The following ANO3 variants were observed in gnomAD, a reference collection of about 807,000 sequenced individuals.
ANO3 encodes anoctamin 3.
In ANO3, 99 loss-of-function variants were observed where a neutral mutation model predicts 144.8. That is an observed-to-expected ratio of 0.68 (90% CI 0.58 to 0.81). The LOEUF is 0.81. Ranked by LOEUF, ANO3 falls within the 30% of genes least tolerant of loss-of-function variation. The pLI is 0.00. For synonymous variants in ANO3, 414 were observed against 392.6 expected, an observed-to-expected ratio of 1.05 and a Z score of -0.64; for missense variants, 905 against 1,202.2, an observed-to-expected ratio of 0.75 and a Z score of 3.66.
At chr11:26,368,668 GTGTC>G (rs561632512) in intron 1 of ANO3, among the ~76,000 whole-genome samples, 505 of 151,940 alleles carry the variant, frequency 3.3e-3, no homozygotes, top group Middle Eastern at 0.01. Flanking sequence ...GGAAAAGTGT[GTGTC>G]TGTGTGTGTG....
At chr11:26,397,766 C>T (rs1306633979) in intron 1 of ANO3, among the ~76,000 whole-genome samples, 1 of 152,022 alleles carries the variant, frequency 6.6e-6, no homozygotes, top group Non-Finnish European at 1.5e-5. Flanking sequence ...TGTAGTGATC[C>T]TGCAGTGGTA....
chr11:26,620,786 C>T (rs576682608), intron 17 of ANO3, among the ~76,000 whole-genome samples: 1 of 152,246 alleles, frequency 6.6e-6, no homozygotes, highest in African/African-American at 2.4e-5. Context: ...TCCTTAATAC[C>T]TGGTTACCAC....
chr11:26,282,355 A>G (rs1314060570), intron 1 of ANO3, among the ~76,000 whole-genome samples: 2 of 148,026 alleles, frequency 1.4e-5, no homozygotes, highest in Non-Finnish European at 3.0e-5. Context: ...GTCTGAATTT[A>G]TCTCTTATTG....
chr11:26,305,446 G>A (rs1240346350), upstream of ANO3, among the ~76,000 whole-genome samples: 2 of 150,480 alleles, frequency 1.3e-5, no homozygotes, highest in African/African-American at 2.4e-5. Flanking sequence ...AACTTTAATC[G>A]GATTAGCATG....
intron 6 of ANO3, among the ~76,000 whole-genome samples, chr11:26,524,839 T>G (rs1471530199): frequency 6.6e-6 from 1 of 152,172 alleles, no homozygotes; most frequent in Non-Finnish European, 1.5e-5. Context: ...TAGTGTATAC[T>G]CCAGCTATTA....
intron 4 of ANO3, among the ~76,000 whole-genome samples, chr11:26,485,465 T>G (rs1860408514): frequency 6.6e-6 from 1 of 152,148 alleles, no homozygotes; most frequent in South Asian, 2.1e-4. Context: ...TCCATGACTG[T>G]TAAGATTCCT....
chr11:26,524,527 TAGAGG>T (rs200283519), intron 6 of ANO3, among the ~76,000 whole-genome samples: 1,576 of 152,258 alleles, frequency 0.01, 20 homozygotes, highest in Middle Eastern at 0.02. Flanking sequence ...TACCACAGCA[TAGAGG>T]AGCTTACTGA....
At chr11:26,438,272 T>A (rs1490730759) in intron 1 of ANO3, among the ~76,000 whole-genome samples, 2 of 152,072 alleles carry the variant, frequency 1.3e-5, no homozygotes, top group Non-Finnish European at 2.9e-5. Context: ...ACCAAAAGCA[T>A]GAACTATAAA....
chr11:26,478,947 C>T (rs975768633), intron 4 of ANO3, among the ~76,000 whole-genome samples: 3 of 152,100 alleles, frequency 2.0e-5, no homozygotes, highest in Admixed American at 2.0e-4. Context: ...TATGTGTTGC[C>T]CAATTCATGA....
At chr11:26,529,546 T>G (rs1032661967) in intron 7 of ANO3, among the ~76,000 whole-genome samples, 5 of 140,816 alleles carry the variant, frequency 3.6e-5, no homozygotes, top group Admixed American at 7.9e-5. Flanking sequence ...ACTGCTATAC[T>G]AATTTTTTTT....
chr11:26,619,007 T>G (rs1171286763), intron 17 of ANO3, among the ~76,000 whole-genome samples: 1 of 152,226 alleles, frequency 6.6e-6, no homozygotes, highest in Non-Finnish European at 1.5e-5. Flanking sequence ...TTGTGAATAT[T>G]CTTCTGTTAC....
intron 14 of ANO3, among the ~76,000 whole-genome samples, chr11:26,569,105 T>G (rs545095521): frequency 3.2e-4 from 48 of 152,096 alleles, no homozygotes; most frequent in Non-Finnish European, 6.0e-4. Flanking sequence ...AATGAAAATC[T>G]ACACATCAAG....
chr11:26,322,058 A>G (rs1854773159), intron 1 of ANO3, among the ~76,000 whole-genome samples: 1 of 151,906 alleles, frequency 6.6e-6, no homozygotes, highest in African/African-American at 2.4e-5. Flanking sequence ...GATGATTCTT[A>G]CTTTTGATCC....
intron 1 of ANO3, among the ~76,000 whole-genome samples, chr11:26,436,540 T>C (rs1213647138): frequency 1.3e-5 from 2 of 152,124 alleles, no homozygotes; most frequent in African/African-American, 4.8e-5. Flanking sequence ...CTCTGGCAGC[T>C]CCATCCTAGG....
intron 1 of ANO3, among the ~76,000 whole-genome samples, chr11:26,262,811 C>A (rs895181784): frequency 6.6e-6 from 1 of 151,826 alleles, no homozygotes; most frequent in Non-Finnish European, 1.5e-5. Flanking sequence ...GCCTGCAAAC[C>A]AGGAAGTGTG....
intron 4 of ANO3, among the ~76,000 whole-genome samples, chr11:26,497,515 T>G (rs540273269): frequency 6.6e-6 from 1 of 152,218 alleles, no homozygotes; most frequent in South Asian, 2.1e-4. Context: ...AAAGTTTTTC[T>G]TTGTGTAATT....
intron 22 of ANO3, among the ~76,000 whole-genome samples, chr11:26,642,778 T>C (rs1490235298): frequency 1.3e-5 from 2 of 149,190 alleles, no homozygotes; most frequent in Non-Finnish European, 3.0e-5. Context: ...TCCTCCTCCT[T>C]CTTCCTCCTC....
intron 1 of ANO3, among the ~76,000 whole-genome samples, chr11:26,337,191 T>TA (rs1273015472): frequency 6.6e-6 from 1 of 152,208 alleles, no homozygotes; most frequent in Non-Finnish European, 1.5e-5. Flanking sequence ...GACTGTAACT[T>TA]AAAAAATCTT....
At chr11:26,542,215 T>C (rs756125532) in intron 11 of ANO3, 147 bp downstream of exon 11, 5 of 873,784 alleles carry the variant, frequency 5.7e-6, no homozygotes, top group Non-Finnish European at 8.1e-6. Context: ...AGAATCTCAC[T>C]GTAGGTAATT....
Sources: allele counts gnomAD v4.1 joint callset (sites outside exome capture counted in the v4.1 genomes callset), GRCh38; gene constraint gnomAD v4.1.1; transcripts MANE v1.5; gene names NCBI Gene and HGNC (gene_info 2026-07-23, HGNC 2026-07-21).